The following AUTS2 variants were observed in gnomAD, a reference collection of about 807,000 sequenced individuals.
The protein encoded by AUTS2 is activator of transcription and developmental regulator AUTS2, also known as autism susceptibility gene 2 protein.
A neutral mutation model predicts 112.4 loss-of-function variants in AUTS2; 17 were observed. That is an observed-to-expected ratio of 0.15 (90% CI 0.10 to 0.23). The LOEUF is 0.23. Ranked by LOEUF, AUTS2 falls within the 10% of genes least tolerant of loss-of-function variation. The pLI, the probability that AUTS2 is intolerant of heterozygous loss-of-function variation, is 1.00. For synonymous variants in AUTS2, 751 were observed against 702.7 expected, an observed-to-expected ratio of 1.07 and a Z score of -1.09; for missense variants, 1,510 against 1,701.6, an observed-to-expected ratio of 0.89 and a Z score of 1.98.
At chr7:70,642,474 C>G (rs928494300) in intron 5 of AUTS2, among the ~76,000 whole-genome samples, 22 of 152,124 alleles carry the variant, frequency 1.4e-4, no homozygotes, top group African/African-American at 5.3e-4. Context: ...TTGTTTCACC[C>G]CATAATACTT....
At chr7:69,603,917 A>G (rs1792570678) in intron 1 of AUTS2, among the ~76,000 whole-genome samples, 1 of 152,058 alleles carries the variant, frequency 6.6e-6, no homozygotes, top group Non-Finnish European at 1.5e-5. Context: ...TGTTGTGTCT[A>G]TTAGGAAGCC....
intron 1 of AUTS2, among the ~76,000 whole-genome samples, chr7:69,858,525 A>G (rs956354740): frequency 6.6e-6 from 1 of 152,164 alleles, no homozygotes; most frequent in Non-Finnish European, 1.5e-5. Context: ...TGAAACTCCA[A>G]GGTGAGTCCT....
Position 69,599,786 on chromosome 7 carries a change from G to A in AUTS2, c.133G>A (p.Ala45Thr). 1 of 1,552,082 alleles carries A rather than the reference G, an allele frequency of 6.4e-7. No individual in the cohort carries two copies. The highest frequency in any genetic ancestry group is 2.6e-5 in the East Asian group (1 of 39,106). Residue 45 changes from alanine (A) to threonine (T), a missense_variant, in exon 1 of 19, where the codon GCG (alanine) becomes ACG (threonine). Physicochemically the swap from Ala to Thr is moderately conservative, Grantham distance 58. Transcript: ENST00000342771. The surrounding 1 kb of genome is among the most constrained non-coding windows in gnomAD (Gnocchi z 7.0). Reference sequence around the variant, plus strand: ...CGGCGGCGGGGCTGGCCGGACCCGGGCGCTCTCACTCGCCTCGTCGTCGGG... The same window carrying A: ...CGGCGGCGGGGCTGGCCGGACCCGGACGCTCTCACTCGCCTCGTCGTCGGG... ...AGGGGAGRTR[A>T]LSLASSSGSD...
At chr7:70,266,294 C>T (rs1276443527) in intron 4 of AUTS2, among the ~76,000 whole-genome samples, 3 of 152,128 alleles carry the variant, frequency 2.0e-5, no homozygotes, top group African/African-American at 4.8e-5. Context: ...AGACACCAAA[C>T]GGCACATACT....
chr7:69,677,037 G>A (rs1796595874), intron 1 of AUTS2, among the ~76,000 whole-genome samples: 1 of 152,104 alleles, frequency 6.6e-6, no homozygotes, highest in Non-Finnish European at 1.5e-5. Flanking sequence ...GAAAATTTCT[G>A]AAGAGAGATA....
chr7:69,849,196 C>T (rs550320230), intron 1 of AUTS2, among the ~76,000 whole-genome samples: 8 of 152,116 alleles, frequency 5.3e-5, no homozygotes, highest in Non-Finnish European at 1.0e-4. Context: ...AACAACAAGA[C>T]GTGGGGTCCA....
intron 1 of AUTS2, among the ~76,000 whole-genome samples, chr7:69,713,050 G>GA (rs1480061633): frequency 1.3e-5 from 2 of 151,988 alleles, no homozygotes; most frequent in African/African-American, 4.8e-5. Context: ...TTTTGCCCAT[G>GA]AAAAAAACCT....
intron 4 of AUTS2, among the ~76,000 whole-genome samples, chr7:70,193,079 T>C (rs1222917456): frequency 1.3e-5 from 2 of 152,188 alleles, no homozygotes; most frequent in African/African-American, 2.4e-5. Flanking sequence ...TAGTTCATAA[T>C]TGTAATCATA....
At chr7:70,529,649 G>A (rs1799998336) in intron 5 of AUTS2, among the ~76,000 whole-genome samples, 1 of 152,218 alleles carries the variant, frequency 6.6e-6, no homozygotes, top group African/African-American at 2.4e-5. Context: ...TCCTGCAAAT[G>A]TCATGGCTTC....
intron 2 of AUTS2, among the ~76,000 whole-genome samples, chr7:69,970,275 G>A (rs1797795711): frequency 6.6e-6 from 1 of 151,972 alleles, no homozygotes; most frequent in Non-Finnish European, 1.5e-5. Flanking sequence ...CCTTTTTGGT[G>A]TGTTTTTCTA....
chr7:70,495,122 G>C (rs539674462), intron 5 of AUTS2, among the ~76,000 whole-genome samples: 2 of 151,334 alleles, frequency 1.3e-5, no homozygotes, highest in African/African-American at 4.9e-5. Context: ...CCTTGGTCTC[G>C]TGCCGACCCT....
At chr7:70,618,027 A>C (rs184715380) in intron 5 of AUTS2, among the ~76,000 whole-genome samples, 18 of 152,266 alleles carry the variant, frequency 1.2e-4, no homozygotes, top group African/African-American at 4.3e-4. Context: ...AGCAGATATG[A>C]CTCCACCTAA....
At chr7:70,365,742 C>A (rs1473043083) in intron 4 of AUTS2, among the ~76,000 whole-genome samples, 3 of 152,202 alleles carry the variant, frequency 2.0e-5, no homozygotes, top group Non-Finnish European at 4.4e-5. Context: ...ATAATGCCTA[C>A]TTTAGTAATG....
chr7:69,745,014 G>A (rs941984042), intron 1 of AUTS2, among the ~76,000 whole-genome samples: 1 of 152,142 alleles, frequency 6.6e-6, no homozygotes, highest in Non-Finnish European at 1.5e-5. Context: ...CTTGAGAGGA[G>A]AGTCGTGGAC....
chr7:70,763,449 ACAT>A, intron 7 of AUTS2, 108 bp downstream of exon 7: 1 of 772,924 alleles, frequency 1.3e-6, no homozygotes, highest in Non-Finnish European at 2.1e-6. Flanking sequence ...CTTGTTGGAA[ACAT>A]CATCCTTTTC....
chr7:69,702,598 TGTG>T (rs1340719274), intron 1 of AUTS2, among the ~76,000 whole-genome samples: 1 of 152,152 alleles, frequency 6.6e-6, no homozygotes, highest in African/African-American at 2.4e-5. Flanking sequence ...GAATTGCACT[TGTG>T]GGGTGATTTC....
chr7:70,680,383 T>C (rs990686730), intron 5 of AUTS2, among the ~76,000 whole-genome samples: 1 of 152,174 alleles, frequency 6.6e-6, no homozygotes, highest in African/African-American at 2.4e-5. Context: ...TGTTGTAAAA[T>C]CCAGGGCTTC....
intron 4 of AUTS2, among the ~76,000 whole-genome samples, chr7:70,337,850 C>G (rs886696620): frequency 6.6e-6 from 1 of 152,220 alleles, no homozygotes; most frequent in Non-Finnish European, 1.5e-5. Context: ...AGGCCTTGCT[C>G]TCTGCCTCAG....
At position 69,613,926 on chromosome 7, in the gene AUTS2, T is replaced by C. The variant is rs78655224; in HGVS notation, c.309+13964T>C. 1.8e-4 allele frequency among the ~76,000 whole-genome samples: 28 copies of C among 152,322 alleles called. No homozygotes were observed. The East Asian group carries it at 5.2e-3, about 28-fold the overall frequency. ...TCCATTGATTTCCTCTGTCATTGTT[T>C]CCTTTCATTATTCTAAGCAGATTTG... On this transcript the variant is annotated intron_variant, in intron 1 of 18. Transcript: ENST00000342771.
Sources: allele counts gnomAD v4.1 joint callset (sites outside exome capture counted in the v4.1 genomes callset), GRCh38; gene constraint gnomAD v4.1.1; non-coding constraint Gnocchi (gnomAD v3.1); transcripts MANE v1.5; gene names NCBI Gene and HGNC (gene_info 2026-07-23, HGNC 2026-07-21).